ARPP21: variants seen among roughly 807,000 people sequenced by gnomAD.
ARPP21 encodes the protein cAMP regulated phosphoprotein 21.
Under a neutral mutation model 113.2 loss-of-function variants are expected in ARPP21, and 69 were observed. That is an observed-to-expected ratio of 0.61 (90% CI 0.50 to 0.74). ARPP21 has a LOEUF of 0.74. Among genes scored for constraint, ARPP21 ranks in the 30% least tolerant of loss-of-function variants. The pLI is 0.00. For missense variants in ARPP21, 1,070 were observed against 1,037.4 expected (o/e 1.03, Z -0.43); for synonymous variants, 368 against 375.5 (o/e 0.98, Z 0.23).
chr3:35,783,419 GT>G (rs140084609), intron 19 of ARPP21, among the ~76,000 whole-genome samples: 24 of 148,314 alleles, frequency 1.6e-4, no homozygotes, highest in South Asian at 1.5e-3. Context: ...TTATTCTTGT[GT>G]TTTTTTTTTA....
At chr3:35,656,538 T>C (rs1253204402) in intron 1 of ARPP21, among the ~76,000 whole-genome samples, 2 of 152,058 alleles carry the variant, frequency 1.3e-5, no homozygotes, top group African/African-American at 4.8e-5. Context: ...AAGGGAATTA[T>C]TCTGAGTGAA....
intron 1 of ARPP21, among the ~76,000 whole-genome samples, chr3:35,650,882 T>C (rs1306188170): frequency 6.6e-6 from 1 of 152,106 alleles, no homozygotes; most frequent in Non-Finnish European, 1.5e-5. Flanking sequence ...CAGTTTAAGG[T>C]ACCTGATCAG....
intron 19 of ARPP21, among the ~76,000 whole-genome samples, chr3:35,786,620 A>G (rs1436847779): frequency 6.6e-6 from 1 of 152,100 alleles, no homozygotes; most frequent in Non-Finnish European, 1.5e-5. Flanking sequence ...CTTGTTTATC[A>G]AAGTTAACAA....
intron 4 of ARPP21, 117 bp from the exon 5 acceptor site, chr3:35,683,609 T>C: frequency 1.5e-6 from 1 of 665,798 alleles, no homozygotes; most frequent in Non-Finnish European, 2.8e-6. Flanking sequence ...GAAGTTTGGT[T>C]TTAAAAATCT....
intron 9 of ARPP21, among the ~76,000 whole-genome samples, chr3:35,704,761 A>C (rs1576069247): frequency 6.6e-6 from 1 of 152,032 alleles, no homozygotes; most frequent in African/African-American, 2.4e-5. Flanking sequence ...ATTTGCTTAT[A>C]CATTGGTTAA....
intron 14 of ARPP21, among the ~76,000 whole-genome samples, chr3:35,726,445 C>G (rs1394546874): frequency 6.6e-6 from 1 of 152,184 alleles, no homozygotes; most frequent in Non-Finnish European, 1.5e-5. Context: ...GATTGCTGAG[C>G]CATCCTTTTG....
chr3:35,647,705 G>T (rs1465601747), intron 1 of ARPP21, among the ~76,000 whole-genome samples: 1 of 152,154 alleles, frequency 6.6e-6, no homozygotes, highest in Non-Finnish European at 1.5e-5. Context: ...TTCTGGGTCT[G>T]AGTAAATAGT....
chr3:35,684,787 G>T, intron 5 of ARPP21: 6 of 984,722 alleles, frequency 6.1e-6, no homozygotes, highest in Non-Finnish European at 7.2e-6. Context: ...AATAGATTTT[G>T]TCCTAAGAGA....
intron 16 of ARPP21, 52 bp downstream of exon 16, chr3:35,737,414 A>T (rs1313596048): frequency 1.6e-6 from 2 of 1,286,422 alleles, no homozygotes; most frequent in East Asian, 2.4e-5. Context: ...GATGAAGGCT[A>T]CATAGTCCTC....
chr3:35,739,360 G>T lies in ARPP21; in HGVS notation c.1793G>T (p.Arg598Leu). Reference protein sequence around the residue: ...ATQFGQMTLSRQSSGETPEPP... With the variant: ...ATQFGQMTLSLQSSGETPEPP... Reference sequence around the variant, plus strand: ...CAGTTTGGCCAGATGACCCTGAGCCGGCAGTCCTCGGGGGAGACTCCTGAA... The same window carrying T: ...CAGTTTGGCCAGATGACCCTGAGCCTGCAGTCCTCGGGGGAGACTCCTGAA... Residue 598 changes from arginine (R) to leucine (L), a missense_variant, in exon 18 of 21, where the codon CGG becomes CTG. Coordinates refer to ENST00000684406, the MANE Select transcript of ARPP21 (RefSeq NM_001385562.1). The T allele has an allele frequency of 6.2e-7, 1 of 1,614,094 alleles. No individual in the cohort carries two copies. Among genetic ancestry groups the T allele is most frequent in the Non-Finnish European group, 8.5e-7 (1 of 1,180,022 alleles).
At chr3:35,706,743 C>T (rs2089253861) in intron 9 of ARPP21, among the ~76,000 whole-genome samples, 1 of 152,068 alleles carries the variant, frequency 6.6e-6, no homozygotes, top group African/African-American at 2.4e-5. Flanking sequence ...TCAATTTCAG[C>T]CATGATGAGC....
chr3:35,646,182 G>C (rs985837391), intron 1 of ARPP21, among the ~76,000 whole-genome samples: 1 of 151,960 alleles, frequency 6.6e-6, no homozygotes, highest in Non-Finnish European at 1.5e-5. Flanking sequence ...ATGACTCCTC[G>C]TAATTGTTTA....
At chr3:35,731,951 G>GTTATT (rs1293217614) in intron 15 of ARPP21, among the ~76,000 whole-genome samples, 2 of 152,228 alleles carry the variant, frequency 1.3e-5, no homozygotes, top group South Asian at 2.1e-4. Context: ...GCCATACTTA[G>GTTATT]TTATTTTATT....
chr3:35,750,064 TCTTTATTA>T (rs1212530012), intron 19 of ARPP21, among the ~76,000 whole-genome samples: 1 of 151,698 alleles, frequency 6.6e-6, no homozygotes, highest in Non-Finnish European at 1.5e-5. Flanking sequence ...TACTGACTTA[TCTTTATTA>T]CTTTATTATT....
At chr3:35,659,171 A>AT (rs1447027114) in intron 1 of ARPP21, among the ~76,000 whole-genome samples, 2 of 152,076 alleles carry the variant, frequency 1.3e-5, no homozygotes, top group Admixed American at 6.6e-5. Context: ...TTCTTGCAAC[A>AT]TTTTTTACAC....
At chr3:35,771,649 C>T (rs1037454935) in intron 19 of ARPP21, among the ~76,000 whole-genome samples, 4 of 152,084 alleles carry the variant, frequency 2.6e-5, no homozygotes, top group Non-Finnish European at 5.9e-5. Context: ...GATATTTTAT[C>T]TATCAACATT....
intron 19 of ARPP21, among the ~76,000 whole-genome samples, chr3:35,787,149 G>T (rs535131396): frequency 4.3e-4 from 65 of 152,138 alleles, no homozygotes; most frequent in African/African-American, 1.5e-3. Flanking sequence ...ATTTCTCCAG[G>T]CCTTCATCTG....
chr3:35,661,292 A>T (rs1707697990), intron 1 of ARPP21, among the ~76,000 whole-genome samples: 3 of 152,186 alleles, frequency 2.0e-5, no homozygotes, highest in African/African-American at 7.2e-5. Flanking sequence ...AAAATCAGTT[A>T]TTGAGCTATA....
chr3:35,781,246 A>G (rs575722695), intron 19 of ARPP21, among the ~76,000 whole-genome samples: 3 of 152,316 alleles, frequency 2.0e-5, no homozygotes, highest in East Asian at 3.9e-4. Flanking sequence ...ACTTTTAATC[A>G]TGATGAAATG....
Sources: gnomAD v4.1 joint callset for allele counts (sites outside exome capture counted in the v4.1 genomes callset) on GRCh38, gnomAD v4.1.1 for gene constraint, MANE v1.5 for transcripts, NCBI Gene and HGNC (gene_info 2026-07-23, HGNC 2026-07-21) for gene names.